The following UGT1A10 variants were observed in gnomAD, a reference collection of about 807,000 sequenced individuals.
The protein encoded by UGT1A10 is UDP glucuronosyltransferase family 1 member A10.
A neutral mutation model predicts 45.8 loss-of-function variants in UGT1A10; 49 were observed. That is an observed-to-expected ratio of 1.07 (90% CI 0.85 to 1.36). UGT1A10 has a LOEUF of 1.36. Ranked by LOEUF, UGT1A10 falls within the 40% of genes most tolerant of loss-of-function variation. The pLI is 0.00. For missense variants in UGT1A10, 745 were observed against 668.6 expected (o/e 1.11, Z -1.26); for synonymous variants, 284 against 249.7 (o/e 1.14, Z -1.29).
At chr2:233,663,432 GT>G (rs2074013696) in intron 1 of UGT1A10, among the ~76,000 whole-genome samples, 1 of 152,094 alleles carries the variant, frequency 6.6e-6, no homozygotes, top group Admixed American at 6.6e-5. Context: ...CACTGAATCA[GT>G]TCCTGGGTGG....
At chr2:233,749,153 G>A (rs530115797) in intron 1 of UGT1A10, among the ~76,000 whole-genome samples, 14 of 151,714 alleles carry the variant, frequency 9.2e-5, no homozygotes, top group Non-Finnish European at 1.3e-4. Flanking sequence ...TCCATGACTT[G>A]ATCCTTTTGT....
At chr2:233,649,442 A>G (rs371604191) in intron 1 of UGT1A10, among the ~76,000 whole-genome samples, 2 of 152,252 alleles carry the variant, frequency 1.3e-5, no homozygotes, top group African/African-American at 4.8e-5. Context: ...TACCTGCTGC[A>G]GTAAAATGTT....
rs570797148 is a variant in UGT1A10, at chr2:233,754,249, G to A, written c.856-12785G>A. The A allele has an allele frequency of 1.1e-3, 192 of 168,812 alleles. 1 individual carries two copies. The South Asian group carries it at 0.012, about 11-fold the overall frequency. 10.5% of individuals were successfully genotyped at this position (168,812 alleles called of 1,614,324 possible). A position where few individuals can be genotyped will look rare whatever the true frequency, so the allele number is the denominator to read the frequency against. On this transcript the variant is annotated intron_variant, in intron 1 of 4. Coordinates refer to ENST00000344644, the MANE Select transcript of UGT1A10 (RefSeq NM_019075.4). ...ACCACCTGGCTCACACTTTCCCAAC[G>A]GAAAAAGGTAAGGCTCAAAGTGCTG...
chr2:233,644,484 C>G (rs1007448569), intron 1 of UGT1A10, among the ~76,000 whole-genome samples: 8 of 152,148 alleles, frequency 5.3e-5, no homozygotes, highest in Admixed American at 4.6e-4. Context: ...TCGCTTGAAC[C>G]TCGGAGGCAG....
chr2:233,747,299 G>A, intron 1 of UGT1A10: 1 of 1,602,106 alleles, frequency 6.2e-7, no homozygotes, highest in Non-Finnish European at 8.5e-7. Flanking sequence ...GCTGAGAGTG[G>A]GAAGGTGCTG....
At chr2:233,754,942 A>T in intron 1 of UGT1A10, 4 of 1,333,346 alleles carry the variant, frequency 3.0e-6, no homozygotes, top group Non-Finnish European at 4.0e-6. Flanking sequence ...TCAAAGGAGA[A>T]TGGGTCCCGG....
chr2:233,712,754 C>G (rs910147754), intron 1 of UGT1A10, among the ~76,000 whole-genome samples: 49 of 151,866 alleles, frequency 3.2e-4, no homozygotes, highest in Admixed American at 2.4e-3. Context: ...TTCCCCAGAG[C>G]GAGCGCAAGG....
intron 1 of UGT1A10, among the ~76,000 whole-genome samples, chr2:233,700,387 T>C (rs887496616): frequency 6.6e-6 from 1 of 152,216 alleles, no homozygotes; most frequent in African/African-American, 2.4e-5. Flanking sequence ...TCCAGGCATG[T>C]GGAACATTTT....
chr2:233,727,163 C>T (rs1212217788), intron 1 of UGT1A10, among the ~76,000 whole-genome samples: 2 of 152,150 alleles, frequency 1.3e-5, no homozygotes, highest in Non-Finnish European at 2.9e-5. Flanking sequence ...TTTCAGGATG[C>T]TTTTTTCTGT....
At chr2:233,683,507 C>A (rs183620340) in intron 1 of UGT1A10, among the ~76,000 whole-genome samples, 95 of 152,102 alleles carry the variant, frequency 6.2e-4, no homozygotes, top group African/African-American at 2.2e-3. Flanking sequence ...AGGGTATCAT[C>A]CTATGAGTAT....
intron 1 of UGT1A10, among the ~76,000 whole-genome samples, chr2:233,765,395 G>A (rs1009787089): frequency 6.6e-6 from 1 of 152,142 alleles, no homozygotes; most frequent in Non-Finnish European, 1.5e-5. Context: ...AGAAAATGTG[G>A]TACATATACA....
At chr2:233,743,738 T>C in intron 1 of UGT1A10, 1 of 1,367,388 alleles carries the variant, frequency 7.3e-7, no homozygotes, top group Non-Finnish European at 9.8e-7. Flanking sequence ...ATCGCGTTTC[T>C]TGGCGTCCGA....
At chr2:233,701,242 A>G (rs1295860710) in intron 1 of UGT1A10, among the ~76,000 whole-genome samples, 2 of 152,144 alleles carry the variant, frequency 1.3e-5, no homozygotes, top group South Asian at 4.1e-4. Context: ...CCCAGTAATG[A>G]GATGGCTGGG....
chr2:233,755,426 C>G, intron 1 of UGT1A10: 1 of 320,654 alleles, frequency 3.1e-6, no homozygotes, highest in South Asian at 2.7e-5. Flanking sequence ...GAGCGCCTCG[C>G]ATCCCAAGAT....
rs28898609 is a variant in UGT1A10 at position 233,718,170 on chromosome 2, C to G, written c.856-48864C>G. The G allele has an allele frequency of 6.8e-3, 1,637 of 241,004 alleles. 38 individuals are homozygous for G. The highest frequency in any genetic ancestry group is 0.033 in the African/African-American group (1,513 of 45,480). The allele number at this position is 241,004 out of a possible 1,614,324, so 14.9% of individuals were successfully genotyped here. The stretch of plus-strand genomic sequence containing the variant: ...AAAGCCTTCCCAAGAATATGATCAT[C>G]ACATCTTGAGCTCAGCCTCCCCGGA... On this transcript the variant is annotated intron_variant, in intron 1 of 4. Coordinates refer to ENST00000344644, the MANE Select transcript of UGT1A10 (RefSeq NM_019075.4).
chr2:233,644,478 T>A (rs1302374517), intron 1 of UGT1A10, among the ~76,000 whole-genome samples: 1 of 152,096 alleles, frequency 6.6e-6, no homozygotes, highest in East Asian at 1.9e-4. Flanking sequence ...AGAGATTCGC[T>A]TGAACCTCGG....
At chr2:233,670,616 ATCT>A (rs1231989177) in intron 1 of UGT1A10, among the ~76,000 whole-genome samples, 4 of 152,182 alleles carry the variant, frequency 2.6e-5, no homozygotes, top group African/African-American at 9.6e-5. Context: ...CCATCAAGTC[ATCT>A]TCTGTTGATT....
In UGT1A10 at chr2:233,760,364, ATGCTGGGAAGATAC is replaced by A. The variant is rs775463336; in HGVS notation, c.856-6667_856-6654del. 13 of 1,614,036 alleles carry A rather than the reference ATGCTGGGAAGATAC, an allele frequency of 8.1e-6. No homozygotes were observed. In the African/African-American group the frequency reaches 1.6e-4, roughly 20 times the overall value. On this transcript the variant is annotated intron_variant, in intron 1 of 4. Coordinates refer to ENST00000344644, the MANE Select transcript of UGT1A10 (RefSeq NM_019075.4). ...TGTGTGCTGGGCCCAGTGGTGTCCC[ATGCTGGGAAGATAC>A]TGTTGATCCCAGTGGATGGCAGCCA... is the stretch of plus-strand genomic sequence containing the variant.
chr2:233,696,904 A>G (rs774009523), intron 1 of UGT1A10, among the ~76,000 whole-genome samples: 9 of 152,174 alleles, frequency 5.9e-5, no homozygotes, highest in African/African-American at 1.9e-4. Flanking sequence ...AATTCTGTCA[A>G]TGTATTCATA....
Sources: allele counts gnomAD v4.1 joint callset (sites outside exome capture counted in the v4.1 genomes callset), GRCh38; gene constraint gnomAD v4.1.1; transcripts MANE v1.5; gene names NCBI Gene and HGNC (gene_info 2026-07-23, HGNC 2026-07-21).